Variants in KCNB2 observed in about 807,000 individuals in gnomAD.
KCNB2 encodes the protein delayed rectifier potassium channel protein.
Under a neutral mutation model 61.5 loss-of-function variants are expected in KCNB2, and 15 were observed. The observed-to-expected ratio is 0.24, with a 90% CI of 0.16 to 0.38. The LOEUF (loss-of-function observed/expected upper bound fraction) is 0.38, where lower values mean the gene tolerates loss of function less well. KCNB2 is among the 10% of genes least tolerant of loss of function. The pLI, the probability that KCNB2 is intolerant of heterozygous loss-of-function variation, is 1.00. For missense variants in KCNB2, 828 were observed against 1,125.2 expected (o/e 0.74, Z 3.78); for synonymous variants, 457 against 446.0 (o/e 1.02, Z -0.31).
intron 2 of KCNB2, among the ~76,000 whole-genome samples, chr8:72,838,664 C>A (rs763579652): frequency 1.1e-4 from 17 of 152,086 alleles, no homozygotes; most frequent in Non-Finnish European, 2.5e-4. Context: ...ATTTGTAGTT[C>A]TAGATCCTGA....
intron 2 of KCNB2, among the ~76,000 whole-genome samples, chr8:72,823,435 G>T (rs1809544198): frequency 6.6e-6 from 1 of 152,092 alleles, no homozygotes; most frequent in Non-Finnish European, 1.5e-5. Flanking sequence ...AAAGGACCCT[G>T]GACCCAGCCA....
chr8:72,819,969 C>T (rs1391287819), intron 2 of KCNB2, among the ~76,000 whole-genome samples: 1 of 152,070 alleles, frequency 6.6e-6, no homozygotes, highest in African/African-American at 2.4e-5. Context: ...CTGGTTTTTT[C>T]CTGGCTCCCA....
intron 2 of KCNB2, among the ~76,000 whole-genome samples, chr8:72,600,117 C>T (rs1199863060): frequency 2.0e-5 from 3 of 152,210 alleles, no homozygotes; most frequent in Non-Finnish European, 4.4e-5. Context: ...GATTATAAAT[C>T]ATGCTGCTAT....
intron 1 of KCNB2, among the ~76,000 whole-genome samples, chr8:72,561,763 A>ATG (rs1563523565): frequency 1.6e-4 from 1 of 6,190 alleles, no homozygotes; most frequent in Non-Finnish European, 3.0e-4. Context: ...ATATATATGG[A>ATG]TATATATATA....
In KCNB2 at chr8:72,619,403, G is replaced by A. The variant is rs1472833095; in HGVS notation, c.579+51090G>A. 8 of 440,806 alleles carry A rather than the reference G, an allele frequency of 1.8e-5. No individual in the cohort carries two copies. In the Admixed American group the frequency reaches 2.2e-4, roughly 12 times the overall value. The allele number at this position is 440,806 out of a possible 1,614,324, so 27.3% of individuals were successfully genotyped here. A position where few individuals can be genotyped will look rare whatever the true frequency, so the allele number is the denominator to read the frequency against. Reference sequence around the variant, plus strand: ...GCCTGTTTCAAGTCATGTATTACCAGGTAGACATCCCTGTCCTGGAGCTTG... The same window carrying A: ...GCCTGTTTCAAGTCATGTATTACCAAGTAGACATCCCTGTCCTGGAGCTTG... On this transcript the variant is annotated intron_variant, in intron 2 of 2. Coordinates refer to ENST00000523207, the MANE Select transcript of KCNB2 (RefSeq NM_004770.3).
At chr8:72,916,757 G>A (rs2129007890) in intron 2 of KCNB2, among the ~76,000 whole-genome samples, 1 of 152,262 alleles carries the variant, frequency 6.6e-6, no homozygotes, top group East Asian at 1.9e-4. Context: ...CTAAAAAGGG[G>A]ACAGAGCAGG....
chr8:72,701,094 C>A (rs150173258), intron 2 of KCNB2, among the ~76,000 whole-genome samples: 2 of 152,138 alleles, frequency 1.3e-5, no homozygotes, highest in African/African-American at 4.8e-5. Context: ...GGGAGGGGAA[C>A]AAGAGTTGAA....
Position 72,839,614 on chromosome 8 carries a change from T to C in KCNB2, c.580-96321T>C, listed in dbSNP as rs956670699. Among the ~76,000 whole-genome samples, 544 of 127,504 alleles carry C rather than the reference T, an allele frequency of 4.3e-3. 3 individuals are homozygous for C. Among genetic ancestry groups the C allele is most frequent in the Non-Finnish European group, 5.9e-3 (355 of 60,620 alleles). 83.6% of individuals were successfully genotyped at this position (127,504 alleles called of 152,430 possible). ...TGAAAGGCTTCTTTTTTTTTTTTTT[T>C]TTTTTTTTTTTTTTTTGTGACGGAG... On this transcript the variant is annotated intron_variant, in intron 2 of 2. Transcript: ENST00000523207.
chr8:72,725,675 C>T (rs1375842088), intron 2 of KCNB2, among the ~76,000 whole-genome samples: 2 of 148,834 alleles, frequency 1.3e-5, no homozygotes, highest in Non-Finnish European at 3.0e-5. Context: ...TAAACTGCCT[C>T]AGCTCTCATC....
chr8:72,842,933 G>A (rs921406282), intron 2 of KCNB2, among the ~76,000 whole-genome samples: 8 of 151,854 alleles, frequency 5.3e-5, no homozygotes, highest in Non-Finnish European at 1.2e-4. Context: ...GTCTCTATCT[G>A]CTTCATTTCT....
rs936981952 is a variant in KCNB2 at position 72,938,340 on chromosome 8, T to G, written c.*249T>G. The G allele has an allele frequency of 5.1e-6, 2 of 390,524 alleles. No individual in the cohort carries two copies. Among genetic ancestry groups the G allele is most frequent in the Non-Finnish European group, 4.6e-6 (1 of 218,494 alleles). 24.2% of individuals were successfully genotyped at this position (390,524 alleles called of 1,614,324 possible). A position where few individuals can be genotyped will look rare whatever the true frequency, so the allele number is the denominator to read the frequency against. ...AGTGAACAAATAAAAAGAGCTCTAT[T>G]AGGAACCAATATTCTGCAATGTCTG... On this transcript the variant is annotated 3_prime_UTR_variant, in exon 3 of 3. Coordinates refer to ENST00000523207, the MANE Select transcript of KCNB2 (RefSeq NM_004770.3).
intron 2 of KCNB2, among the ~76,000 whole-genome samples, chr8:72,705,582 A>T (rs1807208863): frequency 6.6e-6 from 1 of 152,184 alleles, no homozygotes; most frequent in Non-Finnish European, 1.5e-5. Flanking sequence ...GAAGTGAGGG[A>T]GGTGTTTTTC....
At chr8:72,681,388 A>G (rs2128989097) in intron 2 of KCNB2, among the ~76,000 whole-genome samples, 1 of 152,218 alleles carries the variant, frequency 6.6e-6, no homozygotes, top group South Asian at 2.1e-4. Flanking sequence ...AACTAAGACA[A>G]ACGAACACAT....
intron 2 of KCNB2, among the ~76,000 whole-genome samples, chr8:72,575,545 G>C (rs1806782758): frequency 6.6e-6 from 1 of 152,016 alleles, no homozygotes; most frequent in South Asian, 2.1e-4. Context: ...TGTTGAATTA[G>C]TCAGTTTTAT....
chr8:72,540,362 A>T (rs1429560971), intron 1 of KCNB2, among the ~76,000 whole-genome samples: 1 of 152,168 alleles, frequency 6.6e-6, no homozygotes, highest in Non-Finnish European at 1.5e-5. Flanking sequence ...TTCAAAATGT[A>T]ATTGTTTAAG....
At chr8:72,605,095 G>A (rs897327742) in intron 2 of KCNB2, among the ~76,000 whole-genome samples, 6 of 152,196 alleles carry the variant, frequency 3.9e-5, no homozygotes, top group African/African-American at 1.4e-4. Context: ...ACTCAAATAT[G>A]CAATAAGAAA....
At chr8:72,896,176 G>A (rs1403520461) in intron 2 of KCNB2, among the ~76,000 whole-genome samples, 1 of 152,094 alleles carries the variant, frequency 6.6e-6, no homozygotes, top group African/African-American at 2.4e-5. Flanking sequence ...TATTTAATAA[G>A]CTTAACTCTA....
At chr8:72,728,356 T>C (rs1206839550) in intron 2 of KCNB2, among the ~76,000 whole-genome samples, 2 of 152,228 alleles carry the variant, frequency 1.3e-5, no homozygotes, top group African/African-American at 4.8e-5. Flanking sequence ...AGAAATGTCA[T>C]ACACGGCATT....
At chr8:72,729,917 T>C (rs1807713082) in intron 2 of KCNB2, among the ~76,000 whole-genome samples, 2 of 151,990 alleles carry the variant, frequency 1.3e-5, no homozygotes, top group African/African-American at 2.4e-5. Flanking sequence ...CATATATATA[T>C]ACACACATAC....
Sources: allele counts gnomAD v4.1 joint callset (sites outside exome capture counted in the v4.1 genomes callset), GRCh38; gene constraint gnomAD v4.1.1; transcripts MANE v1.5; gene names NCBI Gene and HGNC (gene_info 2026-07-23, HGNC 2026-07-21).